Variants in SUPT16H observed in about 807,000 individuals in gnomAD.
SUPT16H encodes SPT16 homolog, facilitates chromatin remodeling subunit.
A neutral mutation model predicts 136.2 loss-of-function variants in SUPT16H; 24 were observed. That is an observed-to-expected ratio of 0.18 (90% confidence interval 0.13 to 0.25). The LOEUF (loss-of-function observed/expected upper bound fraction) is 0.25, where lower values mean the gene tolerates loss of function less well. SUPT16H is among the 10% of genes least tolerant of loss of function. The probability of loss-of-function intolerance (pLI) is 1.00; values close to 1 mark genes in which losing one functional copy is unlikely to be tolerated. For synonymous variants in SUPT16H, 415 were observed against 428.2 expected, an observed-to-expected ratio of 0.97 and a Z score of 0.38; for missense variants, 623 against 1,270.2, an observed-to-expected ratio of 0.49 and a Z score of 7.74.
intron 1 of SUPT16H, 34 bp downstream of exon 1, chr14:21,383,828 G>T (rs1374296067): frequency 6.2e-7 from 1 of 1,612,976 alleles, no homozygotes. Flanking sequence ...TGGCTAAGGG[G>T]GCTCCCTAGG....
chr14:21,372,237 C>T (rs1379300634), intron 2 of SUPT16H, 193 bp from the exon 3 acceptor site: 9 of 547,948 alleles, frequency 1.6e-5, no homozygotes, highest in Non-Finnish European at 2.5e-5. Context: ...TAGAACAGGA[C>T]AATGGGGTTC....
chr14:21,366,645 C>T (rs555173019), intron 7 of SUPT16H, 116 bp from the exon 8 acceptor site: 41 of 885,988 alleles, frequency 4.6e-5, no homozygotes, highest in Admixed American at 4.5e-4. Flanking sequence ...GTGAACTAAA[C>T]AGTCCACTCA....
intron 1 of SUPT16H, 68 bp downstream of exon 1, chr14:21,383,794 C>A: frequency 6.3e-7 from 1 of 1,578,544 alleles, no homozygotes; most frequent in African/African-American, 1.4e-5. Flanking sequence ...AAAAAGGGCG[C>A]CGAGAAACAG....
rs1416206925 is a variant in SUPT16H at position 21,352,550 on chromosome 14, A to T, written c.*123T>A. 21 of 1,507,716 alleles carry T rather than the reference A, an allele frequency of 1.4e-5. No homozygotes were observed. The Admixed American group carries it at 3.9e-4, about 28-fold the overall frequency. The allele number at this position is 1,507,716 out of a possible 1,614,324, so 93.4% of individuals were successfully genotyped here. On this transcript the variant is annotated 3_prime_UTR_variant, in exon 26 of 26. Coordinates refer to ENST00000216297, the MANE Select transcript of SUPT16H (RefSeq NM_007192.4). Reference sequence around the variant, plus strand: ...TTGGTCCACACAAATGGCCCCCTAAACCCATAAACACAAATGGCAAAACTT... The same window carrying T: ...TTGGTCCACACAAATGGCCCCCTAATCCCATAAACACAAATGGCAAAACTT...
At chr14:21,382,477 T>A (rs1408507506) in intron 1 of SUPT16H, among the ~76,000 whole-genome samples, 1 of 152,208 alleles carries the variant, frequency 6.6e-6, no homozygotes, top group East Asian at 1.9e-4. Flanking sequence ...AGATTAGTTT[T>A]CATGAATGGT....
Position 21,353,540 on chromosome 14 carries a change from A to G in SUPT16H, c.2946T>C (p.Ser982=). 2.5e-6 allele frequency: 4 copies of G among 1,614,122 alleles called. No individual in the cohort carries two copies. Among genetic ancestry groups the G allele is most frequent in the Non-Finnish European group, 3.4e-6 (4 of 1,180,006 alleles). The change falls in exon 25 of 26, where the codon AGT becomes AGC. Residue 982 remains serine (S), a synonymous_variant. Coordinates refer to ENST00000216297, the MANE Select transcript of SUPT16H (RefSeq NM_007192.4). ...CCCAATCCTTTCCACTCTCTTCTTCACTACCCAATGACTCCTTAGAATAGT... is the reference window on the plus strand; with the variant it reads ...CCCAATCCTTTCCACTCTCTTCTTCGCTACCCAATGACTCCTTAGAATAGT... ...ESDYSKESLG[S]EEESGKDWDE...
Position 21,363,519 on chromosome 14 carries a change from G to A in SUPT16H, c.1234-16C>T. The stretch of plus-strand genomic sequence containing the variant: ...CTGGGCCATCCTAGAATTAAAAGGA[G>A]AATGAAGACACATTATTTAAAAGAG... On this transcript the variant is annotated splice_polypyrimidine_tract_variant and intron_variant, in intron 10 of 25. Transcript: ENST00000216297. The A allele has an allele frequency of 1.5e-5, 24 of 1,607,824 alleles. No individual in the cohort carries two copies. Among genetic ancestry groups the A allele is most frequent in the Non-Finnish European group, 2.0e-5 (24 of 1,177,770 alleles).
chr14:21,367,100 C>T (rs1886688288), intron 7 of SUPT16H, among the ~76,000 whole-genome samples: 1 of 152,140 alleles, frequency 6.6e-6, no homozygotes, highest in Admixed American at 6.5e-5. Context: ...GCCACCACGC[C>T]CGGCTAATTT....
intron 8 of SUPT16H, 142 bp from the exon 9 acceptor site, chr14:21,365,285 A>C: frequency 5.3e-6 from 4 of 757,480 alleles, no homozygotes; most frequent in Non-Finnish European, 8.7e-6. Flanking sequence ...CAGTTAGAAA[A>C]GAGGATTCAA....
chr14:21,361,188 C>G lies in SUPT16H; in HGVS notation c.1819G>C (p.Ala607Pro), dbSNP rs1172616437. ...EITYRASNIK[A>P]PGEQTVPALN... ...GCTGGTACTGTCTGTTCTCCGGGTG[C>G]CTTAATATTTGATGCTCGGTATGTA... Residue 607 changes from alanine (A) to proline (P), a missense_variant, in exon 16 of 26, where the codon GCA becomes CCA. By Grantham distance (27) the Ala-to-Pro change is conservative (BLOSUM62 -1). This residue lies in a region of SUPT16H where 62 missense variants were observed against 200.5 expected (regional missense o/e 0.31). Coordinates refer to ENST00000216297, the MANE Select transcript of SUPT16H (RefSeq NM_007192.4). 6.2e-7 allele frequency: 1 copy of G among 1,613,864 alleles called. No homozygotes were observed. Among genetic ancestry groups the G allele is most frequent in the South Asian group, 1.1e-5 (1 of 91,060 alleles).
At chr14:21,353,679 C>T (rs532207950) in intron 24 of SUPT16H, 24 bp downstream of exon 24, 41 of 1,606,958 alleles carry the variant, frequency 2.6e-5, no homozygotes, top group South Asian at 2.4e-4. Flanking sequence ...GAAGCCAGGA[C>T]GAACTTTGCT....
At chr14:21,353,323 A>G (rs1451645364) in intron 25 of SUPT16H, among the ~76,000 whole-genome samples, 165 bp downstream of exon 25, 4 of 152,170 alleles carry the variant, frequency 2.6e-5, no homozygotes, top group Non-Finnish European at 2.9e-5. Context: ...TCCACACCTC[A>G]TTTTCTCCTT....
At chr14:21,360,999 T>C (rs1447752214) in intron 16 of SUPT16H, 27 bp from the exon 17 acceptor site, 3 of 1,611,996 alleles carry the variant, frequency 1.9e-6, no homozygotes, top group Non-Finnish European at 2.5e-6. Context: ...TTAATGTGAA[T>C]TGTCACATAT....
chr14:21,383,478 G>A (rs1175614672), intron 1 of SUPT16H: 3 of 575,380 alleles, frequency 5.2e-6, no homozygotes, highest in Non-Finnish European at 9.3e-6. Context: ...GCGGGACCAG[G>A]GGTGGAATAT....
At chr14:21,379,932 C>T (rs1250961374) in intron 1 of SUPT16H, among the ~76,000 whole-genome samples, 2 of 151,952 alleles carry the variant, frequency 1.3e-5, no homozygotes, top group Non-Finnish European at 1.5e-5. Context: ...CTCTATCCCA[C>T]TCCAGAGATA....
At position 21,372,315 on chromosome 14, in the gene SUPT16H, C is replaced by A. The variant is rs962693832; in HGVS notation, c.160-271G>T. The A allele has an allele frequency of 7.8e-6, 3 of 383,746 alleles. No homozygotes were observed. In the Admixed American group the frequency reaches 1.3e-4, roughly 17 times the overall value. 23.8% of individuals were successfully genotyped at this position (383,746 alleles called of 1,614,324 possible). On this transcript the variant is annotated intron_variant, in intron 2 of 25. Coordinates refer to ENST00000216297, the MANE Select transcript of SUPT16H (RefSeq NM_007192.4). ...AATTAAAACCATCAAATCAGTTAAACGATTTGTGTTTATAGGAAGTATATC... is the reference window on the plus strand; with the variant it reads ...AATTAAAACCATCAAATCAGTTAAAAGATTTGTGTTTATAGGAAGTATATC...
chr14:21,362,754 C>A (rs1343558445), intron 14 of SUPT16H, 40 bp downstream of exon 14: 2 of 1,555,582 alleles, frequency 1.3e-6, no homozygotes, highest in Admixed American at 2.0e-5. Flanking sequence ...CTATTTTAAG[C>A]AACAGTTTGG....
At chr14:21,361,409 T>TGG in intron 15 of SUPT16H, 196 bp from the exon 16 acceptor site, 1 of 636,114 alleles carries the variant, frequency 1.6e-6, no homozygotes. Flanking sequence ...CTTCGCCTCC[T>TGG]GGGTTCAAGC....
intron 1 of SUPT16H, among the ~76,000 whole-genome samples, chr14:21,381,608 ATTT>A (rs10607680): frequency 6.1e-4 from 91 of 148,362 alleles, no homozygotes; most frequent in South Asian, 1.5e-3. Flanking sequence ...CTTGGGATTT[ATTT>A]TTTTTTTTTT....
Sources: gnomAD v4.1 joint callset for allele counts (sites outside exome capture counted in the v4.1 genomes callset) on GRCh38, gnomAD v4.1.1 for gene constraint, gnomAD v4.1.1 regional missense constraint, MANE v1.5 for transcripts, NCBI Gene and HGNC (gene_info 2026-07-23, HGNC 2026-07-21) for gene names.